DAB1: variants seen among roughly 807,000 people sequenced by gnomAD.
DAB1 encodes the protein DAB adaptor protein 1, also known as disabled homolog 1.
Under a neutral mutation model 64.6 loss-of-function variants are expected in DAB1, and 15 were observed. The observed-to-expected ratio is 0.23, with a 90% confidence interval of 0.16 to 0.36. The LOEUF (loss-of-function observed/expected upper bound fraction) is 0.36, where lower values mean the gene tolerates loss of function less well. Among genes scored for constraint, DAB1 ranks in the 10% least tolerant of loss-of-function variants. The pLI is 1.00. For synonymous variants in DAB1, 235 were observed against 251.9 expected (o/e 0.93, Z 0.64); for missense variants, 596 against 706.7 (o/e 0.84, Z 1.78).
chr1:57,408,351 G>A (rs1347769665), intron 1 of DAB1, among the ~76,000 whole-genome samples: 4 of 152,044 alleles, frequency 2.6e-5, no homozygotes, highest in East Asian at 1.9e-4. Flanking sequence ...AGCCCTACCC[G>A]GGTTTGAGGT....
intron 5 of DAB1, among the ~76,000 whole-genome samples, chr1:58,135,502 C>T (rs1653892361): frequency 6.6e-6 from 1 of 152,024 alleles, no homozygotes; most frequent in Admixed American, 6.6e-5. Context: ...AATTACATTT[C>T]AATGCTGACT....
chr1:57,230,285 T>A (rs542757146), intron 2 of DAB1, among the ~76,000 whole-genome samples: 1 of 147,560 alleles, frequency 6.8e-6, no homozygotes, highest in South Asian at 2.1e-4. Context: ...AAAAGAAAAA[T>A]TTTCCCTGAA....
intron 8 of DAB1, among the ~76,000 whole-genome samples, chr1:57,065,884 C>T (rs1570626011): frequency 6.6e-6 from 1 of 152,206 alleles, no homozygotes; most frequent in East Asian, 1.9e-4. Flanking sequence ...TGGTCACCAT[C>T]TCATCCCCGT....
At chr1:57,462,107 C>T (rs1177856109) in intron 7 of DAB1, among the ~76,000 whole-genome samples, 1 of 151,740 alleles carries the variant, frequency 6.6e-6, no homozygotes, top group Admixed American at 6.6e-5. Context: ...TGCCACCACG[C>T]CCGGCTAATT....
At chr1:57,769,331 T>A (rs1649456572) in intron 6 of DAB1, among the ~76,000 whole-genome samples, 1 of 152,160 alleles carries the variant, frequency 6.6e-6, no homozygotes. Context: ...TTCTATTAAA[T>A]ACTGAATAAT....
chr1:57,227,375 T>C (rs2100413625), intron 2 of DAB1, among the ~76,000 whole-genome samples: 1 of 152,286 alleles, frequency 6.6e-6, no homozygotes, highest in East Asian at 1.9e-4. Flanking sequence ...ACAGAGCTTA[T>C]AGTCTAATGA....
chr1:57,574,806 T>C (rs2101540028), intron 7 of DAB1, among the ~76,000 whole-genome samples: 2 of 152,276 alleles, frequency 1.3e-5, no homozygotes, highest in East Asian at 3.9e-4. Flanking sequence ...GAACTGGGCA[T>C]AGCAGAATCC....
intron 2 of DAB1, among the ~76,000 whole-genome samples, chr1:57,148,719 C>A (rs75086933): frequency 6.6e-6 from 1 of 152,208 alleles, no homozygotes; most frequent in African/African-American, 2.4e-5. Context: ...GGGTTTCACA[C>A]GCAATTTCTC....
intron 2 of DAB1, among the ~76,000 whole-genome samples, chr1:57,275,504 A>T (rs998838036): frequency 3.3e-5 from 5 of 152,222 alleles, no homozygotes; most frequent in Admixed American, 1.3e-4. Context: ...TCCTTTACAG[A>T]AGAAGGGTTG....
chr1:57,544,685 T>TG (rs1207083887), intron 7 of DAB1, among the ~76,000 whole-genome samples: 1 of 152,130 alleles, frequency 6.6e-6, no homozygotes, highest in Non-Finnish European at 1.5e-5. Flanking sequence ...AGGGACCCAG[T>TG]GGGGGGTAAT....
chr1:58,050,097 T>C (rs1048006882), intron 5 of DAB1, among the ~76,000 whole-genome samples: 1 of 152,080 alleles, frequency 6.6e-6, no homozygotes, highest in Admixed American at 6.5e-5. Flanking sequence ...AAGGCAGTAT[T>C]CTAGGCCAAC....
At chr1:58,331,335 C>T (rs900844369) in intron 4 of DAB1, among the ~76,000 whole-genome samples, 18 of 152,068 alleles carry the variant, frequency 1.2e-4, no homozygotes, top group Admixed American at 1.3e-4. Flanking sequence ...TTTCTTGAGA[C>T]GGAAAGTATT....
At chr1:57,671,137 A>G (rs1646505752) in intron 6 of DAB1, among the ~76,000 whole-genome samples, 1 of 152,132 alleles carries the variant, frequency 6.6e-6, no homozygotes, top group Non-Finnish European at 1.5e-5. Flanking sequence ...TTAAATCCAC[A>G]GATGTGGAAT....
At chr1:58,058,221 T>C (rs1202798204) in intron 5 of DAB1, among the ~76,000 whole-genome samples, 1 of 152,144 alleles carries the variant, frequency 6.6e-6, no homozygotes, top group Non-Finnish European at 1.5e-5. Context: ...CATTCTAAGT[T>C]ATTTATATTA....
chr1:57,995,920 T>C (rs1646417776), intron 5 of DAB1, among the ~76,000 whole-genome samples: 1 of 152,136 alleles, frequency 6.6e-6, no homozygotes, highest in Admixed American at 6.5e-5. Context: ...TGTGTGACCT[T>C]GGCAAAGTCA....
chr1:57,529,876 C>T (rs1041423582), intron 7 of DAB1, among the ~76,000 whole-genome samples: 5 of 152,068 alleles, frequency 3.3e-5, no homozygotes, highest in South Asian at 4.1e-4. Flanking sequence ...GTACCTCTAG[C>T]TTCATTTACC....
chr1:58,287,018 G>A (rs552084287), intron 4 of DAB1, among the ~76,000 whole-genome samples: 1 of 152,298 alleles, frequency 6.6e-6, no homozygotes, highest in South Asian at 2.1e-4. Flanking sequence ...GTCCTTTGCA[G>A]GGACATAGAT....
chr1:58,448,356 A>G (rs1250404687), intron 3 of DAB1, among the ~76,000 whole-genome samples: 1 of 152,248 alleles, frequency 6.6e-6, no homozygotes, highest in Non-Finnish European at 1.5e-5. Context: ...AGATAGGTAG[A>G]TAACAGAAAG....
intron 5 of DAB1, among the ~76,000 whole-genome samples, chr1:58,052,670 A>G (rs1647756965): frequency 6.6e-6 from 1 of 152,126 alleles, no homozygotes; most frequent in African/African-American, 2.4e-5. Context: ...GATTCTTCCT[A>G]TCCATAAGCA....
Sources: allele counts gnomAD v4.1 joint callset (sites outside exome capture counted in the v4.1 genomes callset), GRCh38; gene constraint gnomAD v4.1.1; transcripts MANE v1.5; gene names NCBI Gene and HGNC (gene_info 2026-07-23, HGNC 2026-07-21).